CST3: variants seen among roughly 807,000 people sequenced by gnomAD.
CST3 encodes the protein cystatin-C.
A neutral mutation model predicts 9.0 loss-of-function variants in CST3; 14 were observed. The observed-to-expected ratio is 1.56, with a 90% CI of 1.03 to 2.44. CST3 has a LOEUF of 2.44. CST3 is among the 30% of genes most tolerant of loss of function. The pLI is 0.00. For missense variants in CST3, 237 were observed against 204.3 expected (o/e 1.16, Z -0.98); for synonymous variants, 96 against 90.2 (o/e 1.06, Z -0.37).
At chr20:23,636,701 T>A (rs1445953795) in intron 1 of CST3, among the ~76,000 whole-genome samples, 1 of 152,054 alleles carries the variant, frequency 6.6e-6, no homozygotes. Context: ...GTCAGCATAG[T>A]CTCCATCCAC....
At chr20:23,627,949 T>C (rs994424949) in exon 4 of CST3, 9 of 152,242 alleles carry the variant, frequency 5.9e-5, no homozygotes, top group African/African-American at 2.2e-4. Flanking sequence ...GAATTTTTAA[T>C]TGGGTTACCA....
downstream of CST3, chr20:23,633,649 C>T: frequency 3.4e-6 from 2 of 592,106 alleles, no homozygotes; most frequent in Non-Finnish European, 3.0e-6. Context: ...GCCAAGAACT[C>T]AGAGGGAGCC....
chr20:23,635,507 G>C (rs893876358), intron 1 of CST3, 140 bp from the exon 2 acceptor site: 1 of 750,458 alleles, frequency 1.3e-6, no homozygotes, highest in Non-Finnish European at 2.3e-6. Context: ...ATTGTCACCT[G>C]CAAGGCACAC....
chr20:23,635,482 T>C, intron 1 of CST3, 115 bp from the exon 2 acceptor site: 1 of 876,042 alleles, frequency 1.1e-6, no homozygotes, highest in Admixed American at 2.0e-5. Context: ...AAGCCTACCT[T>C]CATGAGCTGC....
At chr20:23,632,927 G>A (rs576021177), downstream of CST3, among the ~76,000 whole-genome samples, 33 of 152,246 alleles carry the variant, frequency 2.2e-4, 1 homozygote, top group South Asian at 5.8e-3. Context: ...CTGCATTGTC[G>A]GTCTCATTTG....
At position 23,637,563 on chromosome 20, in the gene CST3, G is replaced by C. The variant is rs575085375; in HGVS notation, c.243+57C>G. ...CAGCACGGGGTCCGGGAGCAGCGCGGGGGGAGGCTGGGACGGCGGGGCCGG... is the reference window on the plus strand; with the variant it reads ...CAGCACGGGGTCCGGGAGCAGCGCGCGGGGAGGCTGGGACGGCGGGGCCGG... On this transcript the variant is annotated intron_variant, in intron 1 of 2. Coordinates refer to ENST00000376925, the MANE Select transcript of CST3 (RefSeq NM_000099.4). The C allele has an allele frequency of 5.0e-6, 7 of 1,412,160 alleles. No individual in the cohort carries two copies. In the African/African-American group the frequency reaches 6.0e-5, roughly 12 times the overall value. The allele number at this position is 1,412,160 out of a possible 1,614,324, so 87.5% of individuals were successfully genotyped here. A position where few individuals can be genotyped will look rare whatever the true frequency, so the allele number is the denominator to read the frequency against.
chr20:23,633,849 G>T lies in CST3; in HGVS notation c.*67C>A. The T allele has an allele frequency of 7.4e-7, 1 of 1,353,472 alleles. No homozygotes were observed. The highest frequency in any genetic ancestry group is 1.1e-6 in the Non-Finnish European group (1 of 943,938). 83.8% of individuals were successfully genotyped at this position (1,353,472 alleles called of 1,614,324 possible). ...CAAGGCAGGGGCCACCAGTCCAGGG[G>T]TGGGAATACAGGGGGTGGGAGGTGT... is the stretch of plus-strand genomic sequence containing the variant. On this transcript the variant is annotated 3_prime_UTR_variant, in exon 3 of 3. Coordinates refer to ENST00000376925, the MANE Select transcript of CST3 (RefSeq NM_000099.4).
exon 4 of CST3, chr20:23,627,822 G>A (rs1979307227): frequency 6.6e-6 from 1 of 151,854 alleles, no homozygotes; most frequent in African/African-American, 2.4e-5. Flanking sequence ...TATCTTCTTT[G>A]GAAAAACGTT....
chr20:23,637,069 G>A (rs376819837), intron 1 of CST3, among the ~76,000 whole-genome samples: 1 of 152,120 alleles, frequency 6.6e-6, no homozygotes, highest in African/African-American at 2.4e-5. Flanking sequence ...GAACAAACAG[G>A]GCAAAATGTT....
intron 2 of CST3, 152 bp downstream of exon 2, chr20:23,635,102 C>A: frequency 1.3e-6 from 1 of 748,024 alleles, no homozygotes; most frequent in East Asian, 2.7e-5. Context: ...CCCACACAAA[C>A]CTATACTTGG....
At chr20:23,635,403 C>T (rs1190169926) in intron 1 of CST3, 36 bp from the exon 2 acceptor site, 16 of 1,569,960 alleles carry the variant, frequency 1.0e-5, no homozygotes, top group Non-Finnish European at 1.4e-5. Flanking sequence ...AGGGACAGCA[C>T]GTTCTGTCAG....
intron 1 of CST3, among the ~76,000 whole-genome samples, chr20:23,635,756 T>C (rs1979648677): frequency 6.6e-6 from 1 of 152,230 alleles, no homozygotes; most frequent in African/African-American, 2.4e-5. Context: ...GAGGTATTTT[T>C]CCTCATTTCT....
rs1366729949 is a variant in CST3 at position 23,637,739 on chromosome 20, C to T, written c.124G>A (p.Ala42Thr). 1.3e-6 allele frequency: 2 copies of T among 1,540,194 alleles called. No homozygotes were observed. The highest frequency in any genetic ancestry group is 1.2e-5 in the South Asian group (1 of 82,668). Residue 42 changes from alanine to threonine, a missense_variant, in exon 1 of 3, where the codon GCC becomes ACC. Ala to Thr is a moderately conservative substitution (Grantham distance 58, BLOSUM62 0). Transcript: ENST00000376925. ...CGCACACCCTCCTCCTCCACGCTGG[C>T]GTCCATGGGGCCTCCCACTAGGCGC... The part of the protein sequence containing the change: ...PPRLVGGPMD[A>T]SVEEEGVRRA...
chr20:23,635,347 G>A lies in CST3; in HGVS notation c.264C>T (p.Tyr88=), dbSNP rs760409425. ...TTCGGCCCAGCTCCACGTCCAAGAA[G>A]TAGTTCACCCCAGCTACGATCTACA... ...ARKQIVAGVN[Y]FLDVELGRTT... Residue 88 remains tyrosine (Y), a synonymous_variant, in exon 2 of 3, where the codon TAC becomes TAT. Coordinates refer to ENST00000376925, the MANE Select transcript of CST3 (RefSeq NM_000099.4). 1 of 1,565,850 alleles carries A rather than the reference G, an allele frequency of 6.4e-7. No homozygotes were observed. Among genetic ancestry groups the A allele is most frequent in the Non-Finnish European group, 8.6e-7 (1 of 1,156,986 alleles).
At chr20:23,635,225 C>T in intron 2 of CST3, 29 bp downstream of exon 2, 1 of 1,574,580 alleles carries the variant, frequency 6.4e-7, no homozygotes, top group Non-Finnish European at 8.7e-7. Flanking sequence ...CAGTGTATGA[C>T]TGGCCCTGGA....
Position 23,637,852 on chromosome 20 carries a change from G to T in CST3, c.11C>A (p.Pro4His). The change falls in exon 1 of 3, where the codon CCC becomes CAC. Residue 4 changes from proline (P) to histidine (H), a missense_variant. By Grantham distance (77) the Pro-to-His change is moderately conservative. Coordinates refer to ENST00000376925, the MANE Select transcript of CST3 (RefSeq NM_000099.4). ...CAGCAGGAGCAGCGGGGCGCGCAGGGGCCCGGCCATGGTCGGCTAGGACGC... is the reference window on the plus strand; with the variant it reads ...CAGCAGGAGCAGCGGGGCGCGCAGGTGCCCGGCCATGGTCGGCTAGGACGC... The part of the protein sequence containing the change: MAG[P>H]LRAPLLLLAI... The T allele has an allele frequency of 7.0e-7, 1 of 1,420,766 alleles. No homozygotes were observed. The highest frequency in any genetic ancestry group is 2.9e-5 in the East Asian group (1 of 34,332). 88.0% of individuals were successfully genotyped at this position (1,420,766 alleles called of 1,614,324 possible).
chr20:23,637,567 GA>G, intron 1 of CST3, 52 bp downstream of exon 1: 1 of 1,421,316 alleles, frequency 7.0e-7, no homozygotes, highest in East Asian at 2.9e-5. Context: ...AGCGCGGGGG[GA>G]GGCTGGGACG....
At chr20:23,630,115 C>A (rs1979399512), downstream of CST3, among the ~76,000 whole-genome samples, 1 of 152,196 alleles carries the variant, frequency 6.6e-6, no homozygotes, top group African/African-American at 2.4e-5. Context: ...GAGTTATAGT[C>A]CAGTGGTTCC....
At chr20:23,635,010 A>G (rs1979604483) in intron 2 of CST3, among the ~76,000 whole-genome samples, 1 of 151,956 alleles carries the variant, frequency 6.6e-6, no homozygotes, top group Non-Finnish European at 1.5e-5. Flanking sequence ...ATATACTCAC[A>G]CACCCACACC....
Sources: allele counts gnomAD v4.1 joint callset (sites outside exome capture counted in the v4.1 genomes callset), GRCh38; gene constraint gnomAD v4.1.1; transcripts MANE v1.5; gene names NCBI Gene and HGNC (gene_info 2026-07-23, HGNC 2026-07-21).